The following CRYZ variants were observed in gnomAD, a reference collection of about 807,000 sequenced individuals.
CRYZ encodes crystallin zeta.
A neutral mutation model predicts 34.1 loss-of-function variants in CRYZ; 35 were observed. That is an observed-to-expected ratio of 1.03 (90% CI 0.78 to 1.36). The LOEUF (loss-of-function observed/expected upper bound fraction) is 1.36, where lower values mean the gene tolerates loss of function less well. CRYZ is among the 40% of genes most tolerant of loss of function. The pLI, the probability that CRYZ is intolerant of heterozygous loss-of-function variation, is 0.00. For missense variants in CRYZ, 403 were observed against 391.8 expected (o/e 1.03, Z -0.24); for synonymous variants, 137 against 136.5 (o/e 1.00, Z -0.03).
intron 1 of CRYZ, among the ~76,000 whole-genome samples, chr1:74,727,648 A>AT (rs1277374221): frequency 6.8e-6 from 1 of 146,328 alleles, no homozygotes; most frequent in Non-Finnish European, 1.5e-5. Context: ...CTGTCTCAAA[A>AT]AAAAAAAAAA....
rs771805005 is a variant in CRYZ, at chr1:74,713,508, G to GT, written c.480+1070dup. ...CAAGCCCCATAAAGACAATCCTAGT[G>GT]TTTTTTCATAAATTGTTTGATCTGT... On this transcript the variant is annotated intron_variant, in intron 5 of 8. Coordinates refer to ENST00000340866, the MANE Select transcript of CRYZ (RefSeq NM_001889.4). Among the ~76,000 whole-genome samples the GT allele has an allele frequency of 1.2e-4, 18 of 152,216 alleles. No individual in the cohort carries two copies. The East Asian group carries it at 3.1e-3, about 26-fold the overall frequency.
At chr1:74,709,856 A>G (rs1946307) in intron 6 of CRYZ, among the ~76,000 whole-genome samples, 11 of 152,194 alleles carry the variant, frequency 7.2e-5, no homozygotes, top group African/African-American at 2.2e-4. Flanking sequence ...TTTTATAGCT[A>G]TAAGATTCTA....
chr1:74,710,723 A>G (rs554705023), intron 5 of CRYZ, among the ~76,000 whole-genome samples: 2 of 152,362 alleles, frequency 1.3e-5, no homozygotes, highest in South Asian at 4.1e-4. Flanking sequence ...CCACCATTTA[A>G]GTAGAAGAGA....
intron 6 of CRYZ, among the ~76,000 whole-genome samples, chr1:74,709,890 C>T (rs546964358): frequency 4.6e-5 from 7 of 152,188 alleles, no homozygotes; most frequent in Admixed American, 3.9e-4. Context: ...CTATTTAATA[C>T]ACATAAACAA....
intron 4 of CRYZ, among the ~76,000 whole-genome samples, chr1:74,716,164 GTCAAC>G (rs1557726475): frequency 6.6e-6 from 1 of 151,906 alleles, no homozygotes; most frequent in South Asian, 2.1e-4. Flanking sequence ...AATTTCATGG[GTCAAC>G]TCTTTAAAAT....
Position 74,707,110 on chromosome 1 carries a change from C to T in CRYZ, c.725G>A (p.Arg242Gln), listed in dbSNP as rs144313696. The change falls in exon 7 of 9, where the codon CGA (arginine) becomes CAA (glutamine). Residue 242 changes from arginine (R) to glutamine (Q), a missense_variant. Coordinates refer to ENST00000340866, the MANE Select transcript of CRYZ (RefSeq NM_001889.4). ...KDLSLLSHGG[R>Q]VIVVGSRGTI... is the part of the protein sequence containing the mutation. ...AAGAAAAGGAATACTTACTATCACT[C>T]GTCCTCCATGTGACAGAAGACTCAA... 14 of 1,574,714 alleles carry T rather than the reference C, an allele frequency of 8.9e-6. No individual in the cohort carries two copies. Among genetic ancestry groups the T allele is most frequent in the African/African-American group, 1.4e-5 (1 of 72,532 alleles).
intron 4 of CRYZ, among the ~76,000 whole-genome samples, chr1:74,715,092 A>G (rs998025095): frequency 1.2e-4 from 19 of 152,182 alleles, no homozygotes; most frequent in Middle Eastern, 3.2e-3. Context: ...CCAAGGAAAG[A>G]AAGAAATTTT....
chr1:74,719,169 T>A (rs759082378), intron 4 of CRYZ, 40 bp downstream of exon 4: 1 of 1,601,044 alleles, frequency 6.2e-7, no homozygotes, highest in Non-Finnish European at 8.6e-7. Context: ...CACTACCCTC[T>A]TTTGGCATTG....
chr1:74,706,199 T>G lies in CRYZ; in HGVS notation c.*97A>C, dbSNP rs1049571229. ...CTTATTTTTTCACATAAGAAGCTCA[T>G]GGAATCGAATGTTAATTAAAGAAAA... On this transcript the variant is annotated 3_prime_UTR_variant, in exon 9 of 9. Coordinates refer to ENST00000340866, the MANE Select transcript of CRYZ (RefSeq NM_001889.4). 2 of 1,057,106 alleles carry G rather than the reference T, an allele frequency of 1.9e-6. No individual in the cohort carries two copies. The highest frequency in any genetic ancestry group is 2.7e-6 in the Non-Finnish European group (2 of 754,364). 65.5% of individuals were successfully genotyped at this position (1,057,106 alleles called of 1,614,324 possible).
At chr1:74,710,933 A>G (rs747496095) in intron 5 of CRYZ, among the ~76,000 whole-genome samples, 1 of 152,214 alleles carries the variant, frequency 6.6e-6, no homozygotes, top group South Asian at 2.1e-4. Flanking sequence ...TGGGTTAAAG[A>G]GACAGGAATA....
chr1:74,732,956 C>T lies in CRYZ; in HGVS notation c.-14G>A, dbSNP rs1265737512. 4.7e-6 allele frequency: 2 copies of T among 427,678 alleles called. No homozygotes were observed. The highest frequency in any genetic ancestry group is 2.0e-5 in the African/African-American group (1 of 49,194). The allele number at this position is 427,678 out of a possible 1,614,324, so 26.5% of individuals were successfully genotyped here. On this transcript the variant is annotated splice_region_variant and 5_prime_UTR_variant, in exon 1 of 9. Coordinates refer to ENST00000340866, the MANE Select transcript of CRYZ (RefSeq NM_001889.4). Reference sequence around the variant, plus strand: ...AAGGAGAGTTTTTAAAACCACTTACCAGAATCTAGAGTGGGAATTAAAATC... The same window carrying T: ...AAGGAGAGTTTTTAAAACCACTTACTAGAATCTAGAGTGGGAATTAAAATC...
At chr1:74,708,793 C>G (rs1247782441) in intron 6 of CRYZ, 1 of 152,048 alleles carries the variant, frequency 6.6e-6, no homozygotes, top group African/African-American at 2.4e-5. Context: ...GTATATGAGA[C>G]TGATCAGGAT....
In CRYZ at chr1:74,707,071, GTA is replaced by G. The variant is rs1491442681; in HGVS notation, c.732+30_732+31del. 1,115 of 1,317,874 alleles carry G rather than the reference GTA, an allele frequency of 8.5e-4. 5 individuals carry two copies. The East Asian group carries it at 0.018, about 21-fold the overall frequency. 81.6% of individuals were successfully genotyped at this position (1,317,874 alleles called of 1,614,324 possible). A position where few individuals can be genotyped will look rare whatever the true frequency, so the allele number is the denominator to read the frequency against. On this transcript the variant is annotated intron_variant, in intron 7 of 8. Transcript: ENST00000340866. The stretch of plus-strand genomic sequence containing the variant: ...TAAATTGTGGTAAAACATTAAAGTG[GTA>G]AAAAAAAAAAAAAGAAAAGGAATAC...
intron 4 of CRYZ, among the ~76,000 whole-genome samples, chr1:74,716,756 C>T (rs1240557448): frequency 6.6e-6 from 1 of 152,118 alleles, no homozygotes; most frequent in African/African-American, 2.4e-5. Flanking sequence ...CTGCTCCAGG[C>T]CTTCCTTCCG....
Position 74,719,298 on chromosome 1 carries a change from A to G in CRYZ, c.339T>C (p.Thr113=). 6.2e-7 allele frequency: 1 copy of G among 1,613,946 alleles called. No homozygotes were observed. Among genetic ancestry groups the G allele is most frequent in the Admixed American group, 1.7e-5 (1 of 59,984 alleles). The change falls in exon 4 of 9, where the codon ACT becomes ACC. Residue 113 remains threonine (T), a synonymous_variant. Transcript: ENST00000340866. ...CCAGTTTTTCAGGTAGTTTGTAAACAGTGTGGTCTGCTGCAAGAGCATACT... is the reference window on the plus strand; with the variant it reads ...CCAGTTTTTCAGGTAGTTTGTAAACGGTGTGGTCTGCTGCAAGAGCATACT... ...YAEYALAADH[T]VYKLPEKLDF... is the part of the protein sequence containing the mutation.
chr1:74,729,478 CAAAAA>C (rs5775262), intron 1 of CRYZ, among the ~76,000 whole-genome samples: 1 of 123,958 alleles, frequency 8.1e-6, no homozygotes. Context: ...GCCATCTCTA[CAAAAA>C]AAAAAAAAAA....
At chr1:74,719,112 T>G in intron 4 of CRYZ, 97 bp downstream of exon 4, 1 of 1,278,306 alleles carries the variant, frequency 7.8e-7, no homozygotes, top group African/African-American at 1.5e-5. Context: ...GGTAACCAAA[T>G]ATGATGAACA....
Position 74,724,694 on chromosome 1 carries a change from A to G in CRYZ, c.111+17T>C, listed in dbSNP as rs1384766431. 3.3e-6 allele frequency: 5 copies of G among 1,499,682 alleles called. No individual in the cohort carries two copies. The highest frequency in any genetic ancestry group is 4.6e-6 in the Non-Finnish European group (5 of 1,081,376). The allele number at this position is 1,499,682 out of a possible 1,614,324, so 92.9% of individuals were successfully genotyped here. A position where few individuals can be genotyped will look rare whatever the true frequency, so the allele number is the denominator to read the frequency against. On this transcript the variant is annotated intron_variant, in intron 2 of 8. Coordinates refer to ENST00000340866, the MANE Select transcript of CRYZ (RefSeq NM_001889.4). Reference sequence around the variant, plus strand: ...CTCAGTATAATTATAGCCTCAATAAAGTAATTTTATTTCTACCTGATGGTC... The same window carrying G: ...CTCAGTATAATTATAGCCTCAATAAGGTAATTTTATTTCTACCTGATGGTC...
At chr1:74,717,310 A>C (rs933952062) in intron 4 of CRYZ, among the ~76,000 whole-genome samples, 1 of 152,068 alleles carries the variant, frequency 6.6e-6, no homozygotes, top group African/African-American at 2.4e-5. Flanking sequence ...CCCCATTTTT[A>C]AAAGAATAGT....
Sources: gnomAD v4.1 joint callset for allele counts (sites outside exome capture counted in the v4.1 genomes callset) on GRCh38, gnomAD v4.1.1 for gene constraint, MANE v1.5 for transcripts, NCBI Gene and HGNC (gene_info 2026-07-23, HGNC 2026-07-21) for gene names.